The following PTPRN2 variants were observed in gnomAD, a reference collection of about 807,000 sequenced individuals.
PTPRN2 encodes protein tyrosine phosphatase receptor type N2, also known as receptor-type tyrosine-protein phosphatase N2.
PTPRN2 carries 74 observed loss-of-function variants against 118.8 expected under a neutral mutation model. The ratio of observed to expected loss-of-function variants is 0.62; its 90% confidence interval spans 0.52 to 0.76. PTPRN2 has a LOEUF of 0.76. Among genes scored for constraint, PTPRN2 ranks in the 30% least tolerant of loss-of-function variants. The probability of loss-of-function intolerance (pLI) is 0.00; values close to 1 mark genes in which losing one functional copy is unlikely to be tolerated. For synonymous variants in PTPRN2, 641 were observed against 608.0 expected (o/e 1.05, Z -0.80); for missense variants, 1,481 against 1,394.4 (o/e 1.06, Z -0.99).
chr7:158,401,212 G>C (rs1470942504), intron 2 of PTPRN2, among the ~76,000 whole-genome samples: 1 of 114,672 alleles, frequency 8.7e-6, no homozygotes, highest in South Asian at 2.4e-4. Context: ...AAGCCCCTCA[G>C]ACCCAGGCTC....
chr7:158,144,718 C>G (rs115421075), intron 6 of PTPRN2, among the ~76,000 whole-genome samples: 3 of 152,162 alleles, frequency 2.0e-5, no homozygotes, highest in African/African-American at 7.2e-5. Context: ...GGCAGGCTGG[C>G]GCTTCTCCCA....
At chr7:158,024,014 A>C (rs886793213) in intron 11 of PTPRN2, among the ~76,000 whole-genome samples, 1 of 152,138 alleles carries the variant, frequency 6.6e-6, no homozygotes, top group African/African-American at 2.4e-5. Flanking sequence ...ATTACCTCCA[A>C]ACAGAGCTGC....
At chr7:158,512,088 A>G (rs1189072892) in intron 1 of PTPRN2, among the ~76,000 whole-genome samples, 1 of 152,244 alleles carries the variant, frequency 6.6e-6, no homozygotes, top group African/African-American at 2.4e-5. Flanking sequence ...ACAGAATGCC[A>G]TGCAGACGGT....
intron 13 of PTPRN2, among the ~76,000 whole-genome samples, chr7:157,657,576 T>C (rs1343450176): frequency 6.4e-5 from 3 of 46,806 alleles, no homozygotes; most frequent in African/African-American, 1.4e-4. Flanking sequence ...ACATCACACA[T>C]ATACACACAC....
At chr7:158,489,886 C>G in intron 1 of PTPRN2, 101 bp from the exon 2 acceptor site, 2 of 1,140,216 alleles carry the variant, frequency 1.8e-6, no homozygotes, top group Non-Finnish European at 2.5e-6. Flanking sequence ...GAGAAACCGC[C>G]GGTCAAGCAG....
At chr7:158,275,771 G>T (rs577988420) in intron 3 of PTPRN2, among the ~76,000 whole-genome samples, 6 of 152,282 alleles carry the variant, frequency 3.9e-5, no homozygotes, top group Admixed American at 2.0e-4. Flanking sequence ...ACTCCCAGAA[G>T]AAGAGTTGCA....
At chr7:158,389,693 T>C (rs974822666) in intron 2 of PTPRN2, among the ~76,000 whole-genome samples, 1 of 152,260 alleles carries the variant, frequency 6.6e-6, no homozygotes, top group Non-Finnish European at 1.5e-5. Flanking sequence ...AACCAGGCCC[T>C]GCGAGAACAC....
In PTPRN2 at chr7:158,003,074, A is replaced by C. The variant is rs1028981649; in HGVS notation, c.1723+78224T>G. ...TGTGTCCCCCAAAATCCACAGGGGA[A>C]GCCCTGAACCCTCATGTGACTGTAC... On this transcript the variant is annotated intron_variant, in intron 11 of 22. Transcript: ENST00000389418. The surrounding 1 kb of genome is among the most constrained non-coding windows in gnomAD (Gnocchi z 5.0). 1.3e-5 allele frequency among the ~76,000 whole-genome samples: 2 copies of C among 152,200 alleles called. No individual in the cohort carries two copies. The highest frequency in any genetic ancestry group is 1.5e-5 in the Non-Finnish European group (1 of 68,036).
intron 2 of PTPRN2, among the ~76,000 whole-genome samples, chr7:158,386,680 C>A (rs1214457205): frequency 6.6e-6 from 1 of 152,328 alleles, no homozygotes; most frequent in Admixed American, 6.5e-5. Flanking sequence ...AATCCCCAAT[C>A]TTATCCACCA....
chr7:158,434,412 T>C (rs1401358727), intron 2 of PTPRN2, among the ~76,000 whole-genome samples: 3 of 152,198 alleles, frequency 2.0e-5, no homozygotes, highest in African/African-American at 7.2e-5. Context: ...AACCCTTATA[T>C]TTATTATGGC....
chr7:157,949,607 T>C (rs950089089), intron 11 of PTPRN2, among the ~76,000 whole-genome samples: 4 of 152,178 alleles, frequency 2.6e-5, no homozygotes, highest in Non-Finnish European at 5.9e-5. Context: ...GCCCAGGCCA[T>C]CTCAGTCTCA....
intron 11 of PTPRN2, among the ~76,000 whole-genome samples, chr7:158,079,379 C>T (rs1002328924): frequency 6.6e-6 from 1 of 152,160 alleles, no homozygotes; most frequent in African/African-American, 2.4e-5. Context: ...GTGGCTCCCC[C>T]TTGGTGCAGC....
chr7:158,523,628 A>ATCTGCCCTGGAGCGGAG (rs1563393072), intron 1 of PTPRN2, among the ~76,000 whole-genome samples: 32 of 14,008 alleles, frequency 2.3e-3, no homozygotes, highest in East Asian at 0.016. Context: ...GAGTGGAGTC[A>ATCTGCCCTGGAGCGGAG]TCTGCCCTGG....
chr7:158,352,150 C>T (rs1379616033), intron 2 of PTPRN2, among the ~76,000 whole-genome samples: 6 of 9,456 alleles, frequency 6.3e-4, no homozygotes, highest in African/African-American at 5.5e-3. Flanking sequence ...CGCTCCCCTC[C>T]TGACTGCTCC....
chr7:158,005,054 G>A (rs906661771), intron 11 of PTPRN2, among the ~76,000 whole-genome samples: 8 of 151,304 alleles, frequency 5.3e-5, no homozygotes, highest in East Asian at 2.0e-4. Flanking sequence ...AAGTACCTGC[G>A]GTCTGAGCTG....
At chr7:158,298,526 T>C (rs896232212) in intron 3 of PTPRN2, among the ~76,000 whole-genome samples, 6 of 152,234 alleles carry the variant, frequency 3.9e-5, no homozygotes. Context: ...GGTAATGTTA[T>C]GTAATTTTTA....
Position 157,880,576 on chromosome 7 carries a change from C to T in PTPRN2, c.1788+18097G>A, listed in dbSNP as rs565445451. 2.8e-4 allele frequency among the ~76,000 whole-genome samples: 42 copies of T among 152,348 alleles called. 1 individual carries two copies. The highest frequency in any genetic ancestry group is 3.8e-4 in the Non-Finnish European group (26 of 68,032). ...CCCGGCCCATAGGCAGATGCAGCCACGTCCTTCTCCAGCTCTGAGGGCAGG... is the reference window on the plus strand; with the variant it reads ...CCCGGCCCATAGGCAGATGCAGCCATGTCCTTCTCCAGCTCTGAGGGCAGG... On this transcript the variant is annotated intron_variant, in intron 12 of 22. Transcript: ENST00000389418.
intron 2 of PTPRN2, among the ~76,000 whole-genome samples, chr7:158,462,432 T>C (rs1007312654): frequency 6.6e-6 from 1 of 152,160 alleles, no homozygotes; most frequent in Non-Finnish European, 1.5e-5. Context: ...TGCTCTCACA[T>C]GATGCGATAC....
chr7:158,149,874 G>T (rs1163797184), intron 6 of PTPRN2, among the ~76,000 whole-genome samples: 2 of 151,366 alleles, frequency 1.3e-5, no homozygotes, highest in African/African-American at 2.4e-5. Flanking sequence ...GAATTTTTGG[G>T]ATCTAAGTTA....
Sources: gnomAD v4.1 joint callset for allele counts (sites outside exome capture counted in the v4.1 genomes callset) on GRCh38, gnomAD v4.1.1 for gene constraint, Gnocchi (gnomAD v3.1) non-coding constraint, MANE v1.5 for transcripts, NCBI Gene and HGNC (gene_info 2026-07-23, HGNC 2026-07-21) for gene names.